MEDAG: variants seen among roughly 807,000 people sequenced by gnomAD.
MEDAG encodes the protein mesenteric estrogen-dependent adipogenesis protein.
A neutral mutation model predicts 29.9 loss-of-function variants in MEDAG; 25 were observed. That is an observed-to-expected ratio of 0.84 (90% CI 0.61 to 1.17). The LOEUF (loss-of-function observed/expected upper bound fraction) is 1.17, where lower values mean the gene tolerates loss of function less well. Among genes scored for constraint, MEDAG ranks in the 50% most tolerant of loss-of-function variants. The probability of loss-of-function intolerance (pLI) is 0.00; values close to 1 mark genes in which losing one functional copy is unlikely to be tolerated. For missense variants in MEDAG, 398 were observed against 372.9 expected, an observed-to-expected ratio of 1.07 and a Z score of -0.56; for synonymous variants, 158 against 148.2, an observed-to-expected ratio of 1.07 and a Z score of -0.48.
rs1167023529 is a variant in MEDAG, at chr13:30,922,117, G to A, written c.787+271G>A. 8 of 259,088 alleles carry A rather than the reference G, an allele frequency of 3.1e-5. 1 individual carries two copies. The highest frequency in any genetic ancestry group is 5.0e-5 in the Admixed American group (1 of 19,820). The allele number at this position is 259,088 out of a possible 1,614,324, so 16.0% of individuals were successfully genotyped here. A position where few individuals can be genotyped will look rare whatever the true frequency, so the allele number is the denominator to read the frequency against. ...TTTAAATATTATTATTAATTTAAAT[G>A]AGTATTGATGATCATTTAAATATTA... On this transcript the variant is annotated intron_variant, in intron 4 of 4. Coordinates refer to ENST00000380482, the MANE Select transcript of MEDAG (RefSeq NM_032849.4).
At position 30,920,903 on chromosome 13, in the gene MEDAG, A is replaced by G. The variant is rs150471836; in HGVS notation, c.389-111A>G. On this transcript the variant is annotated intron_variant, in intron 2 of 4. Transcript: ENST00000380482. ...TGAGGGAGCAGAGAGGAAGGTTATA[A>G]ATGAATAAAATCTTCAAAGGAGGTG... The G allele has an allele frequency of 4.6e-3, 3,700 of 805,668 alleles. 7 individuals are homozygous for G. The highest frequency in any genetic ancestry group is 6.5e-3 in the Non-Finnish European group (3,155 of 485,906). 49.9% of individuals were successfully genotyped at this position (805,668 alleles called of 1,614,324 possible). A position where few individuals can be genotyped will look rare whatever the true frequency, so the allele number is the denominator to read the frequency against.
intron 1 of MEDAG, among the ~76,000 whole-genome samples, chr13:30,912,892 G>A (rs1952894656): frequency 6.6e-6 from 1 of 152,180 alleles, no homozygotes; most frequent in African/African-American, 2.4e-5. Context: ...ACAGAGCTTC[G>A]TCCTATGGGT....
At chr13:30,921,960 T>C in intron 4 of MEDAG, 114 bp downstream of exon 4, 1 of 1,138,272 alleles carries the variant, frequency 8.8e-7, no homozygotes, top group Non-Finnish European at 1.2e-6. Flanking sequence ...GAAAGGGAAA[T>C]AGATCACAAA....
chr13:30,907,388 G>A (rs546335594), intron 1 of MEDAG, among the ~76,000 whole-genome samples: 4 of 152,332 alleles, frequency 2.6e-5, no homozygotes, highest in Admixed American at 2.0e-4. Context: ...AGTCCAGCCC[G>A]GGGCCATGTG....
chr13:30,919,385 T>A (rs997586630), intron 2 of MEDAG, among the ~76,000 whole-genome samples: 1 of 147,304 alleles, frequency 6.8e-6, no homozygotes, highest in African/African-American at 2.5e-5. Context: ...ATAATGTCTG[T>A]AAATGTGAAT....
chr13:30,919,257 A>G (rs1952958869), intron 2 of MEDAG, among the ~76,000 whole-genome samples: 1 of 152,252 alleles, frequency 6.6e-6, no homozygotes, highest in African/African-American at 2.4e-5. Context: ...AATTATGATT[A>G]AGGCAATATG....
intron 2 of MEDAG, among the ~76,000 whole-genome samples, chr13:30,919,682 C>A (rs993854604): frequency 6.6e-6 from 1 of 152,176 alleles, no homozygotes; most frequent in Non-Finnish European, 1.5e-5. Flanking sequence ...GACGTAAACA[C>A]TTGCTGTTGG....
intron 1 of MEDAG, among the ~76,000 whole-genome samples, chr13:30,912,218 G>A (rs572665105): frequency 6.6e-6 from 1 of 152,310 alleles, no homozygotes; most frequent in South Asian, 2.1e-4. Context: ...ACATTAGAGT[G>A]AGAAGTCTAA....
At position 30,915,212 on chromosome 13, in the gene MEDAG, G is replaced by A. The variant is rs556969140; in HGVS notation, c.279-2191G>A. 5.3e-5 allele frequency among the ~76,000 whole-genome samples: 8 copies of A among 151,968 alleles called. No homozygotes were observed. The South Asian group carries it at 1.5e-3, about 28-fold the overall frequency. On this transcript the variant is annotated intron_variant, in intron 1 of 4. Transcript: ENST00000380482. ...CACCTTCTCTTCACCCCCTTCCCAA[G>A]CCACTCTTACCTGCCTGCCTAATGA...
rs757630646 is a variant in MEDAG, at chr13:30,906,666, A to G, written c.151A>G (p.Ser51Gly). 20 of 1,557,544 alleles carry G rather than the reference A, an allele frequency of 1.3e-5. No homozygotes were observed. Among genetic ancestry groups the G allele is most frequent in the Non-Finnish European group, 1.6e-5 (19 of 1,159,456 alleles). Residue 51 changes from serine to glycine, a missense_variant, in exon 1 of 5, where the codon AGC becomes GGC. Transcript: ENST00000380482. ...LRLQPGAFQL[S>G]GDQLVVARPG... Reference sequence around the variant, plus strand: ...CCTGCAGCCCGGTGCCTTCCAGCTGAGCGGCGACCAGCTCGTGGTGGCCAG... The same window carrying G: ...CCTGCAGCCCGGTGCCTTCCAGCTGGGCGGCGACCAGCTCGTGGTGGCCAG...
intron 1 of MEDAG, 122 bp downstream of exon 1, chr13:30,906,915 C>A: frequency 9.8e-7 from 1 of 1,021,484 alleles, no homozygotes; most frequent in Non-Finnish European, 1.3e-6. Flanking sequence ...GCCCCTTGCT[C>A]CGTGCGCTTC....
At chr13:30,914,676 A>G (rs1445811858) in intron 1 of MEDAG, among the ~76,000 whole-genome samples, 2 of 152,214 alleles carry the variant, frequency 1.3e-5, no homozygotes, top group Non-Finnish European at 2.9e-5. Context: ...TAGCATTGAA[A>G]AAAGCCTTCC....
chr13:30,921,962 G>T (rs1056770474), intron 4 of MEDAG, 116 bp downstream of exon 4: 1 of 1,144,392 alleles, frequency 8.7e-7, no homozygotes, highest in Admixed American at 3.0e-5. Flanking sequence ...AAGGGAAATA[G>T]ATCACAAAAT....
chr13:30,919,416 A>G (rs1006014633), intron 2 of MEDAG, among the ~76,000 whole-genome samples: 19 of 152,242 alleles, frequency 1.2e-4, no homozygotes, highest in African/African-American at 4.6e-4. Flanking sequence ...AGAGTTAGGC[A>G]GTGTACAACC....
At chr13:30,922,914 T>G (rs1411855616) in intron 4 of MEDAG, 1 of 152,020 alleles carries the variant, frequency 6.6e-6, no homozygotes, top group Non-Finnish European at 1.5e-5. Flanking sequence ...TTTTTTTGCT[T>G]TGTTTTTTGT....
intron 1 of MEDAG, chr13:30,909,014 C>T (rs9603075): frequency 0.3 from 44,428 of 148,950 alleles, 6,677 homozygotes; most frequent in Admixed American, 0.34. Context: ...CTCAGGAGGC[C>T]GAGGTGGGAG....
intron 2 of MEDAG, among the ~76,000 whole-genome samples, chr13:30,918,556 T>C (rs1350123594): frequency 1.3e-5 from 2 of 152,216 alleles, no homozygotes; most frequent in Admixed American, 1.3e-4. Context: ...TTAAACCAAA[T>C]TTCAGTATGA....
Position 30,924,604 on chromosome 13 carries a change from C to T in MEDAG, c.*169C>T. 2 of 613,354 alleles carry T rather than the reference C, an allele frequency of 3.3e-6. 1 individual carries two copies. The highest frequency in any genetic ancestry group is 5.6e-5 in the South Asian group (2 of 35,446). 38.0% of individuals were successfully genotyped at this position (613,354 alleles called of 1,614,324 possible). On this transcript the variant is annotated 3_prime_UTR_variant, in exon 5 of 5. Transcript: ENST00000380482. The stretch of plus-strand genomic sequence containing the variant: ...CTCTTCTGCTTCTGTGGATGTGATG[C>T]CCTGGCAGGCCCAGGGCAGCTGATT...
rs564558992 is a variant in MEDAG, at chr13:30,906,741, G to T, written c.226G>T (p.Gly76Cys). ...ARGGFNVFGD[G>C]LVRLDGQLYR... ...GGGGGGCTTCAACGTCTTCGGTGAC[G>T]GCCTCGTGCGCCTCGACGGGCAGCT... The change falls in exon 1 of 5, where the codon GGC (glycine) becomes TGC (cysteine). Residue 76 changes from glycine (G) to cysteine (C), a missense_variant. By Grantham distance (159) the Gly-to-Cys change is radical. Coordinates refer to ENST00000380482, the MANE Select transcript of MEDAG (RefSeq NM_032849.4). The T allele has an allele frequency of 1.5e-5, 22 of 1,511,862 alleles. No individual in the cohort carries two copies. The East Asian group carries it at 5.1e-4, about 35-fold the overall frequency. The allele number at this position is 1,511,862 out of a possible 1,614,324, so 93.7% of individuals were successfully genotyped here.
Sources: allele counts gnomAD v4.1 joint callset (sites outside exome capture counted in the v4.1 genomes callset), GRCh38; gene constraint gnomAD v4.1.1; transcripts MANE v1.5; gene names NCBI Gene and HGNC (gene_info 2026-07-23, HGNC 2026-07-21).